The following WDR74 variants were observed in gnomAD, a reference collection of about 807,000 sequenced individuals.
WDR74 encodes WD repeat domain 74.
Under a neutral mutation model 45.6 loss-of-function variants are expected in WDR74, and 31 were observed. That is an observed-to-expected ratio of 0.68 (90% CI 0.51 to 0.92). WDR74 has a LOEUF of 0.92. Among genes scored for constraint, WDR74 ranks in the 40% least tolerant of loss-of-function variants. The pLI is 0.00. For missense variants in WDR74, 455 were observed against 497.2 expected, an observed-to-expected ratio of 0.92 and a Z score of 0.81; for synonymous variants, 191 against 192.4, an observed-to-expected ratio of 0.99 and a Z score of 0.06.
chr11:62,835,883 A>C, intron 4 of WDR74, 42 bp from the exon 5 acceptor site: 1 of 1,593,260 alleles, frequency 6.3e-7, no homozygotes, highest in Non-Finnish European at 8.5e-7. Context: ...AGAGTCCTTA[A>C]TCCTCCCTTC....
chr11:62,837,862 C>T (rs2084982321), intron 3 of WDR74, among the ~76,000 whole-genome samples: 1 of 152,194 alleles, frequency 6.6e-6, no homozygotes, highest in Non-Finnish European at 1.5e-5. Context: ...AGCTACATCA[C>T]CTTGTTGGTG....
Position 62,839,316 on chromosome 11 carries a change from A to C in WDR74, c.171+6T>G. ...CCCAGCTCCGGCCCGACCAGGGGCC[A>C]CTCACCTGGGTCTCGCCGCCGGTGC... On this transcript the variant is annotated splice_donor_region_variant and intron_variant, in intron 2 of 10. Coordinates refer to ENST00000278856, the MANE Select transcript of WDR74 (RefSeq NM_001369450.1). 1 of 1,610,480 alleles carries C rather than the reference A, an allele frequency of 6.2e-7. No homozygotes were observed. Among genetic ancestry groups the C allele is most frequent in the Non-Finnish European group, 8.5e-7 (1 of 1,179,402 alleles).
upstream of WDR74, among the ~76,000 whole-genome samples, chr11:62,841,285 CTAGCCTGGGCGACAGA>C (rs1565224735): frequency 1.4e-4 from 21 of 152,280 alleles, no homozygotes; most frequent in African/African-American, 4.8e-4. Context: ...CCATTGCACT[CTAGCCTGGGCGACAGA>C]GCAAGACGAC....
chr11:62,839,694 C>A (rs557526988), upstream of WDR74: 291 of 1,220,788 alleles, frequency 2.4e-4, no homozygotes, highest in Non-Finnish European at 3.0e-4. Context: ...GTAAAGCTTC[C>A]ATGCTTGTTT....
chr11:62,841,723 A>C (rs541781945), upstream of WDR74: 2 of 152,190 alleles, frequency 1.3e-5, no homozygotes, highest in Non-Finnish European at 2.9e-5. Context: ...CATTTAATAT[A>C]TTGTCCTCGG....
Position 62,839,215 on chromosome 11 carries a change from G to C in WDR74, c.192C>G (p.Asp64Glu). The C allele has an allele frequency of 2.5e-6, 4 of 1,613,676 alleles. No homozygotes were observed. The highest frequency in any genetic ancestry group is 3.4e-6 in the Non-Finnish European group (4 of 1,179,904). ...GETQMLVGCA[D>E]RTVKHFSTED... ...CGGTGCTGAAGTGCTTCACCGTCCTGTCCGCGCAGCCCACCAGCATCTGCG... is the reference window on the plus strand; with the variant it reads ...CGGTGCTGAAGTGCTTCACCGTCCTCTCCGCGCAGCCCACCAGCATCTGCG... The change falls in exon 3 of 11, where the codon GAC (aspartate) becomes GAG (glutamate). Residue 64 changes from aspartate (D) to glutamate (E), a missense_variant. Asp to Glu is a conservative substitution (Grantham distance 45). Coordinates refer to ENST00000278856, the MANE Select transcript of WDR74 (RefSeq NM_001369450.1).
At position 62,839,127 on chromosome 11, in the gene WDR74, C is replaced by G. The variant is rs1388329021; in HGVS notation, c.280G>C (p.Ala94Pro). ...GATTGGTCTTACCCGTCGGCCTGGG[C>G]GAGGCCACGGAACATGCCCTCCCCG... ...PGGEGMFRGL[A>P]QADGTLITCV... Residue 94 changes from alanine to proline, a missense_variant, in exon 3 of 11, where the codon GCC (alanine) becomes CCC (proline). By Grantham distance (27) the Ala-to-Pro change is conservative. Coordinates refer to ENST00000278856, the MANE Select transcript of WDR74 (RefSeq NM_001369450.1). 1 of 1,613,428 alleles carries G rather than the reference C, an allele frequency of 6.2e-7. No homozygotes were observed. Among genetic ancestry groups the G allele is most frequent in the Admixed American group, 1.7e-5 (1 of 60,018 alleles).
Position 62,833,690 on chromosome 11 carries a change from G to A in WDR74, c.922-16C>T, listed in dbSNP as rs1348836457. 6.4e-7 allele frequency: 1 copy of A among 1,563,998 alleles called. No homozygotes were observed. Among genetic ancestry groups the A allele is most frequent in the Admixed American group, 1.9e-5 (1 of 51,678 alleles). ...TGAGATAAACCTGCAAAAGATGAGGGACCTTAAGGAGCCAGGCATGCTGAG... is the reference window on the plus strand; with the variant it reads ...TGAGATAAACCTGCAAAAGATGAGGAACCTTAAGGAGCCAGGCATGCTGAG... On this transcript the variant is annotated splice_polypyrimidine_tract_variant and intron_variant, in intron 9 of 10. Transcript: ENST00000278856.
chr11:62,835,172 A>G (rs1470626827), intron 6 of WDR74: 18 of 470,044 alleles, frequency 3.8e-5, no homozygotes, highest in South Asian at 1.9e-4. Context: ...CCTGCACCCT[A>G]TAATTCCCAC....
chr11:62,835,710 C>T lies in WDR74; in HGVS notation c.501G>A (p.Val167=). Residue 167 remains valine (V), a synonymous_variant, in exon 5 of 11, where the codon GTG becomes GTA. Coordinates refer to ENST00000278856, the MANE Select transcript of WDR74 (RefSeq NM_001369450.1). The stretch of plus-strand genomic sequence containing the variant: ...TGTCACTCACGTTCTTGGCCCTGAA[C>T]ACAGGTTCCTCAGAGCCCTGCAGGT... The part of the protein sequence containing the change: ...IWDLQGSEEP[V]FRAKNVRNDW... 2.5e-6 allele frequency: 4 copies of T among 1,613,958 alleles called. No homozygotes were observed. The highest frequency in any genetic ancestry group is 3.4e-6 in the Non-Finnish European group (4 of 1,179,888).
intron 4 of WDR74, 28 bp from the exon 5 acceptor site, chr11:62,835,869 T>A: frequency 1.6e-5 from 26 of 1,599,402 alleles, no homozygotes; most frequent in Non-Finnish European, 2.2e-5. Flanking sequence ...TAAGAGTCCG[T>A]TCCAGAGTCC....
Position 62,839,573 on chromosome 11 carries a change from C to G in WDR74, c.-3G>C. On this transcript the variant is annotated 5_prime_UTR_variant, in exon 1 of 11. Coordinates refer to ENST00000278856, the MANE Select transcript of WDR74 (RefSeq NM_001369450.1). ...CAGCGTGCAGCAGCAGCCGCCATGA[C>G]AAAGCCTGGAGGCAGACAGTTCACA... 2 of 1,608,252 alleles carry G rather than the reference C, an allele frequency of 1.2e-6. No homozygotes were observed. Among genetic ancestry groups the G allele is most frequent in the Non-Finnish European group, 1.7e-6 (2 of 1,176,966 alleles).
intron 6 of WDR74, 87 bp from the exon 7 acceptor site, chr11:62,834,614 C>T (rs2084932073): frequency 1.7e-6 from 2 of 1,148,166 alleles, no homozygotes; most frequent in Non-Finnish European, 1.2e-6. Flanking sequence ...TCCCTGCACA[C>T]TGCTTTCTTA....
chr11:62,841,288 GC>G (rs1323816924), upstream of WDR74, among the ~76,000 whole-genome samples: 1 of 152,124 alleles, frequency 6.6e-6, no homozygotes, highest in Non-Finnish European at 1.5e-5. Flanking sequence ...TTGCACTCTA[GC>G]CTGGGCGACA....
chr11:62,841,548 A>T (rs776380066), upstream of WDR74: 4 of 151,242 alleles, frequency 2.6e-5, no homozygotes, highest in East Asian at 1.9e-4. Flanking sequence ...AACAACAAGA[A>T]CATAACTATT....
chr11:62,840,314 C>G (rs2085028497), upstream of WDR74: 1 of 152,220 alleles, frequency 6.6e-6, no homozygotes, highest in Non-Finnish European at 1.5e-5. Context: ...CCCGTCTCTA[C>G]TAAACATACA....
At position 62,839,525 on chromosome 11, in the gene WDR74, C is replaced by A. The variant is rs1489260502; in HGVS notation, c.46G>T (p.Glu16Ter). The change falls in exon 1 of 11, where the codon GAG becomes TAG. Residue 16 changes from glutamate (E) to a stop codon, truncating the protein, a stop_gained. Transcript: ENST00000278856. LOFTEE classifies it high-confidence loss of function. ...CACCCACCTTTCAAGATCCCAGTCT[C>A]GGTGCCGACCCACACATGGTTCCAG... ...ARWNHVWVGT[E>*]TGILKGVNLQ... 6.2e-7 allele frequency: 1 copy of A among 1,613,622 alleles called. No homozygotes were observed. The highest frequency in any genetic ancestry group is 1.1e-5 in the South Asian group (1 of 91,076).
At position 62,833,009 on chromosome 11, in the gene WDR74, T is replaced by G; in HGVS notation, c.1101A>C (p.Gln367His). ...TTCTCCGTCTCGTTTGGAGAGCTCC[T>G]TGGGGCTGCTCCAAACCCGAGAGCT... is the stretch of plus-strand genomic sequence containing the variant. ...KRKLSGLEQP[Q>H]GALQTRRRKK... The change falls in exon 11 of 11, where the codon CAA becomes CAC. Residue 367 changes from glutamine (Q) to histidine (H), a missense_variant. Coordinates refer to ENST00000278856, the MANE Select transcript of WDR74 (RefSeq NM_001369450.1). 1 of 1,610,746 alleles carries G rather than the reference T, an allele frequency of 6.2e-7. No individual in the cohort carries two copies. The highest frequency in any genetic ancestry group is 8.5e-7 in the Non-Finnish European group (1 of 1,178,674).
chr11:62,836,888 C>T (rs1407391036), intron 3 of WDR74, among the ~76,000 whole-genome samples: 3 of 151,860 alleles, frequency 2.0e-5, no homozygotes, highest in Admixed American at 6.6e-5. Flanking sequence ...GCCTGGCCAA[C>T]ATATAGTGAA....
Sources: gnomAD v4.1 joint callset for allele counts (sites outside exome capture counted in the v4.1 genomes callset) on GRCh38, gnomAD v4.1.1 for gene constraint, MANE v1.5 for transcripts, NCBI Gene and HGNC (gene_info 2026-07-23, HGNC 2026-07-21) for gene names.